RNF10: variants seen among roughly 807,000 people sequenced by gnomAD.
RNF10 encodes E3 ubiquitin-protein ligase RNF10.
A neutral mutation model predicts 91.4 loss-of-function variants in RNF10; 38 were observed. The ratio of observed to expected loss-of-function variants is 0.42; its 90% CI spans 0.32 to 0.54. The LOEUF (loss-of-function observed/expected upper bound fraction) is 0.54, where lower values mean the gene tolerates loss of function less well. RNF10 is among the 20% of genes least tolerant of loss of function. The pLI is 0.16. For missense variants in RNF10, 945 were observed against 1,012.0 expected, an observed-to-expected ratio of 0.93 and a Z score of 0.90; for synonymous variants, 364 against 366.3, an observed-to-expected ratio of 0.99 and a Z score of 0.07.
At chr12:120,568,151 G>T (rs1391947219) in intron 13 of RNF10, among the ~76,000 whole-genome samples, 1 of 151,954 alleles carries the variant, frequency 6.6e-6, no homozygotes, top group Non-Finnish European at 1.5e-5. Context: ...AGGCTGAGGT[G>T]GGGAGATGGC....
At chr12:120,555,801 T>G (rs1401834301) in intron 4 of RNF10, among the ~76,000 whole-genome samples, 1 of 151,758 alleles carries the variant, frequency 6.6e-6, no homozygotes, top group African/African-American at 2.4e-5. Flanking sequence ...TGGCCTCTTT[T>G]TTTTTTTGAG....
intron 2 of RNF10, among the ~76,000 whole-genome samples, chr12:120,551,915 A>G (rs926429656): frequency 1.1e-4 from 16 of 152,142 alleles, no homozygotes; most frequent in Non-Finnish European, 2.9e-5. Flanking sequence ...CAGGCTGTAC[A>G]GGAAACATGG....
In RNF10 at chr12:120,557,570, G is replaced by T; in HGVS notation, c.855G>T (p.Gln285His). Residue 285 changes from glutamine to histidine, a missense_variant, in exon 6 of 17, where the codon CAG becomes CAT. Coordinates refer to ENST00000325954, the MANE Select transcript of RNF10 (RefSeq NM_014868.5). Reference sequence around the variant, plus strand: ...GTGTTGTTGCCACAGAGTCACATCAGTATGTTGTTGGTGATACCATTACGA... The same window carrying T: ...GTGTTGTTGCCACAGAGTCACATCATTATGTTGTTGGTGATACCATTACGA... ...LKSVVATESH[Q>H]YVVGDTITMQ... The T allele has an allele frequency of 3.7e-6, 6 of 1,614,210 alleles. No individual in the cohort carries two copies. Among genetic ancestry groups the T allele is most frequent in the Non-Finnish European group, 5.1e-6 (6 of 1,180,044 alleles).
chr12:120,567,119 A>G lies in RNF10; in HGVS notation c.2041+139A>G, dbSNP rs1875863169. 3 of 748,228 alleles carry G rather than the reference A, an allele frequency of 4.0e-6. No homozygotes were observed. In the South Asian group the frequency reaches 6.4e-5, roughly 16 times the overall value. The allele number at this position is 748,228 out of a possible 1,614,324, so 46.3% of individuals were successfully genotyped here. ...CCTTACTTTGGTAGTCCTGAGGTAC[A>G]TCAAATTCTTTTATTCATCTTTCCC... On this transcript the variant is annotated intron_variant, in intron 13 of 16. Transcript: ENST00000325954.
intron 6 of RNF10, among the ~76,000 whole-genome samples, chr12:120,559,176 CTTT>C (rs34120761): frequency 2.1e-5 from 2 of 95,808 alleles, no homozygotes; most frequent in African/African-American, 1.1e-4. Context: ...TTGAACTACT[CTTT>C]TTTTTTTTTT....
At chr12:120,572,900 CTTTTTTTTTT>C (rs35567785) in intron 14 of RNF10, among the ~76,000 whole-genome samples, 1 of 100,642 alleles carries the variant, frequency 9.9e-6, no homozygotes, top group African/African-American at 3.8e-5. Flanking sequence ...TGCGCCTGGC[CTTTTTTTTTT>C]TTTTTTTTTT....
At chr12:120,575,737 A>C in intron 15 of RNF10, 49 bp downstream of exon 15, 1 of 1,614,012 alleles carries the variant, frequency 6.2e-7, no homozygotes, top group Non-Finnish European at 8.5e-7. Flanking sequence ...TTTCCATAAA[A>C]GGCTGTTTCT....
At chr12:120,568,862 T>C (rs1180552186) in intron 13 of RNF10, among the ~76,000 whole-genome samples, 3 of 152,146 alleles carry the variant, frequency 2.0e-5, no homozygotes, top group Non-Finnish European at 2.9e-5. Flanking sequence ...GCTCAAGTGA[T>C]CCTCCTGCCT....
rs1243118498 is a variant in RNF10, at chr12:120,577,540, G to A, written c.*874G>A. ...CTGCTTAATAAAGTGACCTCTAGGTGCATTAGAATGCGAAGGCAAATAGTT... is the reference window on the plus strand; with the variant it reads ...CTGCTTAATAAAGTGACCTCTAGGTACATTAGAATGCGAAGGCAAATAGTT... On this transcript the variant is annotated 3_prime_UTR_variant, in exon 17 of 17. Transcript: ENST00000325954. 3 of 182,928 alleles carry A rather than the reference G, an allele frequency of 1.6e-5. No individual in the cohort carries two copies. Among genetic ancestry groups the A allele is most frequent in the Non-Finnish European group, 3.5e-5 (3 of 85,800 alleles). The allele number at this position is 182,928 out of a possible 1,614,324, so 11.3% of individuals were successfully genotyped here. A position where few individuals can be genotyped will look rare whatever the true frequency, so the allele number is the denominator to read the frequency against.
At chr12:120,562,909 CTT>C (rs1418394718) in intron 7 of RNF10, 34 bp from the exon 8 acceptor site, 1 of 1,613,044 alleles carries the variant, frequency 6.2e-7, no homozygotes, top group Non-Finnish European at 8.5e-7. Flanking sequence ...TGTCTGGAAA[CTT>C]AACCTTCTCT....
At position 120,575,946 on chromosome 12, in the gene RNF10, C is replaced by T; in HGVS notation, c.2355C>T (p.Leu785=). 6.2e-7 allele frequency: 1 copy of T among 1,613,568 alleles called. No homozygotes were observed. The highest frequency in any genetic ancestry group is 8.5e-7 in the Non-Finnish European group (1 of 1,180,022). ...ACACACCAGCTACTTCAGATCCCCTCTCTGGTAAGGGCAGAGGCTGGAGTG... is the reference window on the plus strand; with the variant it reads ...ACACACCAGCTACTTCAGATCCCCTTTCTGGTAAGGGCAGAGGCTGGAGTG... ...KLDTPATSDP[L]SEEKGGKKRK... Residue 785 remains leucine (L), a synonymous_variant, in exon 16 of 17, where the codon CTC becomes CTT. Transcript: ENST00000325954.
chr12:120,562,899 T>C, intron 7 of RNF10, 46 bp from the exon 8 acceptor site: 1 of 1,612,102 alleles, frequency 6.2e-7, no homozygotes, highest in Non-Finnish European at 8.5e-7. Flanking sequence ...GCTAAGTGTG[T>C]GTCTGGAAAC....
intron 1 of RNF10, among the ~76,000 whole-genome samples, chr12:120,544,518 A>G (rs1482162271): frequency 1.3e-5 from 2 of 152,084 alleles, no homozygotes; most frequent in African/African-American, 2.4e-5. Context: ...TCAGCTGGAC[A>G]TGGTGGTGAG....
chr12:120,537,387 G>A (rs1242574963), intron 1 of RNF10, among the ~76,000 whole-genome samples: 1 of 152,166 alleles, frequency 6.6e-6, no homozygotes, highest in African/African-American at 2.4e-5. Context: ...AGCACTTTGG[G>A]AGGCCGAGGC....
chr12:120,571,044 G>A (rs1876541581), intron 13 of RNF10, 147 bp from the exon 14 acceptor site: 1 of 610,566 alleles, frequency 1.6e-6, no homozygotes, highest in Non-Finnish European at 2.9e-6. Flanking sequence ...ACATGGAAGA[G>A]TTGAAAGTTG....
chr12:120,565,511 A>T lies in RNF10; in HGVS notation c.1867A>T (p.Asn623Tyr), dbSNP rs1875561393. ...AGAGCGCAGGATTGAGATAGAGGAG[A>T]ACAAGAAACAGGGCAAGTGTAAGTT... Reference protein sequence around the residue: ...RRERRIEIEENKKQGKYPEVH... With the variant: ...RRERRIEIEEYKKQGKYPEVH... Residue 623 changes from asparagine (N) to tyrosine (Y), a missense_variant, in exon 12 of 17, where the codon AAC becomes TAC. Physicochemically the swap from Asn to Tyr is moderately radical, Grantham distance 143 (BLOSUM62 -2). Coordinates refer to ENST00000325954, the MANE Select transcript of RNF10 (RefSeq NM_014868.5). 1 of 1,613,788 alleles carries T rather than the reference A, an allele frequency of 6.2e-7. No homozygotes were observed. The highest frequency in any genetic ancestry group is 1.7e-5 in the Admixed American group (1 of 59,988).
chr12:120,558,703 G>C (rs1418545491), intron 6 of RNF10, among the ~76,000 whole-genome samples: 1 of 151,112 alleles, frequency 6.6e-6, no homozygotes, highest in African/African-American at 2.4e-5. Flanking sequence ...CGAGTAGCTG[G>C]GACTACAGGC....
chr12:120,555,249 T>C (rs1207064567), intron 4 of RNF10, among the ~76,000 whole-genome samples: 1 of 152,194 alleles, frequency 6.6e-6, no homozygotes, highest in Non-Finnish European at 1.5e-5. Flanking sequence ...TGGTGTGATC[T>C]TGGCTCACTG....
At chr12:120,545,835 A>G (rs967799076) in intron 1 of RNF10, among the ~76,000 whole-genome samples, 15 of 152,328 alleles carry the variant, frequency 9.8e-5, no homozygotes, top group African/African-American at 3.6e-4. Context: ...CATTGCGCCC[A>G]GCCCCCAGTA....
Sources: gnomAD v4.1 joint callset for allele counts (sites outside exome capture counted in the v4.1 genomes callset) on GRCh38, gnomAD v4.1.1 for gene constraint, MANE v1.5 for transcripts, NCBI Gene and HGNC (gene_info 2026-07-23, HGNC 2026-07-21) for gene names.